NSG2: variants seen among roughly 807,000 people sequenced by gnomAD.
NSG2 encodes neuronal vesicle trafficking associated 2.
In NSG2, 4 loss-of-function variants were observed where a neutral mutation model predicts 16.9. That is an observed-to-expected ratio of 0.24 (90% CI 0.12 to 0.54). The LOEUF is 0.54. Among genes scored for constraint, NSG2 ranks in the 20% least tolerant of loss-of-function variants. The pLI is 0.95. For missense variants in NSG2, 179 were observed against 221.1 expected (o/e 0.81, Z 1.21); for synonymous variants, 98 against 88.7 (o/e 1.11, Z -0.59).
chr5:174,099,645 C>T (rs1023154375), intron 3 of NSG2, among the ~76,000 whole-genome samples: 4 of 152,216 alleles, frequency 2.6e-5, no homozygotes, highest in Non-Finnish European at 4.4e-5. Context: ...ATCACTCACA[C>T]CCCTTGGGCC....
chr5:174,081,078 AT>A (rs1017979140), intron 3 of NSG2, among the ~76,000 whole-genome samples: 3 of 151,738 alleles, frequency 2.0e-5, no homozygotes, highest in Non-Finnish European at 4.4e-5. Context: ...ATGCTTTTGA[AT>A]TTTGTATATT....
chr5:174,088,134 C>G (rs776183298), intron 3 of NSG2, among the ~76,000 whole-genome samples: 2 of 152,230 alleles, frequency 1.3e-5, no homozygotes, highest in Non-Finnish European at 2.9e-5. Context: ...TGAACACATA[C>G]TGTTTCAGAC....
intron 3 of NSG2, among the ~76,000 whole-genome samples, chr5:174,102,200 C>T (rs1040807468): frequency 6.6e-6 from 1 of 152,158 alleles, no homozygotes; most frequent in Non-Finnish European, 1.5e-5. Context: ...GGACAGAATC[C>T]TCCCGACATC....
At chr5:174,053,565 C>A (rs1244489714) in intron 2 of NSG2, among the ~76,000 whole-genome samples, 1 of 152,144 alleles carries the variant, frequency 6.6e-6, no homozygotes, top group Non-Finnish European at 1.5e-5. Flanking sequence ...CCCCAGGGAA[C>A]AACAGAAATG....
chr5:174,070,736 G>A (rs1222421424), intron 3 of NSG2, among the ~76,000 whole-genome samples: 2 of 152,150 alleles, frequency 1.3e-5, no homozygotes, highest in East Asian at 3.9e-4. Context: ...TGGATTTGGG[G>A]CCTCCTCTGG....
chr5:174,090,366 G>T (rs1046555831), intron 3 of NSG2, among the ~76,000 whole-genome samples: 1 of 152,202 alleles, frequency 6.6e-6, no homozygotes, highest in Non-Finnish European at 1.5e-5. Flanking sequence ...GGCAACGTCC[G>T]CCAGGGAAGC....
intron 4 of NSG2, among the ~76,000 whole-genome samples, chr5:174,104,579 G>C (rs72814797): frequency 1.3e-5 from 2 of 152,094 alleles, no homozygotes; most frequent in Admixed American, 6.5e-5. Flanking sequence ...CAGCTTGGAC[G>C]GCACATCAGC....
chr5:174,103,823 G>T (rs539794606), intron 3 of NSG2, among the ~76,000 whole-genome samples: 2 of 152,192 alleles, frequency 1.3e-5, no homozygotes, highest in East Asian at 3.9e-4. Flanking sequence ...AATTAGCCAG[G>T]TGTGGTGGTG....
intron 3 of NSG2, among the ~76,000 whole-genome samples, chr5:174,077,809 T>C (rs1354615283): frequency 1.3e-5 from 2 of 152,224 alleles, no homozygotes; most frequent in African/African-American, 4.8e-5. Flanking sequence ...TTCAGTTTTA[T>C]AGCCCCGTAT....
chr5:174,075,778 G>A (rs959941583), intron 3 of NSG2, among the ~76,000 whole-genome samples: 12 of 152,198 alleles, frequency 7.9e-5, no homozygotes, highest in Non-Finnish European at 1.5e-4. Flanking sequence ...TAAGCTCCTG[G>A]AACTGTCAGA....
chr5:174,080,735 T>C (rs1345940877), intron 3 of NSG2, among the ~76,000 whole-genome samples: 6 of 152,066 alleles, frequency 3.9e-5, no homozygotes, highest in African/African-American at 1.4e-4. Context: ...CTAATTTTTG[T>C]ATTTTTTAGT....
chr5:174,076,115 C>T (rs1760336939), intron 3 of NSG2, among the ~76,000 whole-genome samples: 1 of 152,208 alleles, frequency 6.6e-6, no homozygotes, highest in Non-Finnish European at 1.5e-5. Flanking sequence ...ACCTCACCTC[C>T]ATCAGCCTCA....
At chr5:174,052,050 C>T (rs912863954) in intron 2 of NSG2, among the ~76,000 whole-genome samples, 1 of 152,018 alleles carries the variant, frequency 6.6e-6, no homozygotes, top group Non-Finnish European at 1.5e-5. Flanking sequence ...TGGAAGATTG[C>T]CCTCATTGCT....
intron 3 of NSG2, among the ~76,000 whole-genome samples, chr5:174,079,445 A>G (rs1364619355): frequency 6.6e-6 from 1 of 152,048 alleles, no homozygotes; most frequent in Admixed American, 6.5e-5. Context: ...TTTAGTAGAG[A>G]CGGGGTTTCA....
intron 2 of NSG2, among the ~76,000 whole-genome samples, chr5:174,048,668 G>T (rs1173589035): frequency 6.6e-6 from 1 of 152,090 alleles, no homozygotes; most frequent in Non-Finnish European, 1.5e-5. Flanking sequence ...CCTTCTACAT[G>T]CCTGCAGGTC....
At chr5:174,068,434 T>C (rs907093726) in intron 3 of NSG2, among the ~76,000 whole-genome samples, 8 of 152,256 alleles carry the variant, frequency 5.3e-5, no homozygotes, top group Non-Finnish European at 1.0e-4. Flanking sequence ...CCCTCCTTTC[T>C]TAATCTGAGA....
chr5:174,055,245 G>T lies in NSG2; in HGVS notation c.129+8361G>T, dbSNP rs890329094. On this transcript the variant is annotated intron_variant, in intron 2 of 4. Coordinates refer to ENST00000303177, the MANE Select transcript of NSG2 (RefSeq NM_015980.5). ...GAGCAGAAGGAGCTGGAAGTCCCCCGTAGAGGATCCTGTGGAGAGCACCTC... is the reference window on the plus strand; with the variant it reads ...GAGCAGAAGGAGCTGGAAGTCCCCCTTAGAGGATCCTGTGGAGAGCACCTC... Among the ~76,000 whole-genome samples, 9 of 152,238 alleles carry T rather than the reference G, an allele frequency of 5.9e-5. 1 individual carries two copies. Among genetic ancestry groups the T allele is most frequent in the Admixed American group, 5.9e-4 (9 of 15,294 alleles).
At chr5:174,095,478 G>A (rs188915878) in intron 3 of NSG2, among the ~76,000 whole-genome samples, 4 of 152,206 alleles carry the variant, frequency 2.6e-5, no homozygotes, top group Admixed American at 6.5e-5. Context: ...CTCAAATCCC[G>A]CCTCCCGTTT....
At position 174,107,482 on chromosome 5, in the gene NSG2, C is replaced by A; in HGVS notation, c.493C>A (p.Pro165Thr). The change falls in exon 5 of 5, where the codon CCG (proline) becomes ACG (threonine). Residue 165 changes from proline to threonine, a missense_variant. Physicochemically the swap from Pro to Thr is conservative, Grantham distance 38. Transcript: ENST00000303177. This position sits in a 1 kb window ranked among gnomAD's most constrained non-coding sequence, Gnocchi z 4.5. ...AGCCGCTGTCATCCATGAGCCCAAG[C>A]CGCCCAAGACCCAGGGCCACTAGAG... ...SAAAVIHEPK[P>T]PKTQGH The A allele has an allele frequency of 7.5e-6, 12 of 1,609,562 alleles. No homozygotes were observed. Among genetic ancestry groups the A allele is most frequent in the Non-Finnish European group, 1.0e-5 (12 of 1,176,730 alleles).
Sources: gnomAD v4.1 joint callset for allele counts (sites outside exome capture counted in the v4.1 genomes callset) on GRCh38, gnomAD v4.1.1 for gene constraint, Gnocchi (gnomAD v3.1) non-coding constraint, MANE v1.5 for transcripts, NCBI Gene and HGNC (gene_info 2026-07-23, HGNC 2026-07-21) for gene names.